Variants in PRRG2 observed in about 807,000 individuals in gnomAD.
PRRG2 encodes the protein transmembrane gamma-carboxyglutamic acid protein 2.
PRRG2 carries 23 observed loss-of-function variants against 27.1 expected under a neutral mutation model. That is an observed-to-expected ratio of 0.85 (90% confidence interval 0.61 to 1.20). PRRG2 has a LOEUF of 1.20. PRRG2 is among the 50% of genes most tolerant of loss of function. PRRG2 has a pLI of 0.00. For missense variants in PRRG2, 276 were observed against 254.8 expected, an observed-to-expected ratio of 1.08 and a Z score of -0.57; for synonymous variants, 104 against 103.4, an observed-to-expected ratio of 1.01 and a Z score of -0.03.
intron 1 of PRRG2, among the ~76,000 whole-genome samples, chr19:49,582,660 G>A (rs1467860629): frequency 2.0e-5 from 3 of 151,996 alleles, no homozygotes; most frequent in African/African-American, 7.3e-5. Context: ...GAGGTCAGGA[G>A]ATCGAGACCA....
rs1413358866 is a variant in PRRG2, at chr19:49,589,972, C to A, written c.510C>A (p.Pro170=). 6.5e-7 allele frequency: 1 copy of A among 1,547,884 alleles called. No individual in the cohort carries two copies. The highest frequency in any genetic ancestry group is 8.7e-7 in the Non-Finnish European group (1 of 1,150,816). The change falls in exon 6 of 7, where the codon CCC becomes CCA. Residue 170 remains proline (P), a synonymous_variant. Transcript: ENST00000246794. ...GPPTPLPPPP[P]PPPGLPTYEQ... ...CGACGCCCCTGCCTCCACCCCCACC[C>A]CCACCCCCAGGCCTCCCCACCTATG...
chr19:49,587,686 T>C (rs1156299234), intron 4 of PRRG2, among the ~76,000 whole-genome samples: 3 of 151,866 alleles, frequency 2.0e-5, no homozygotes, highest in Non-Finnish European at 2.9e-5. Context: ...GGTTTCTCCA[T>C]GTTGGCCAGG....
At chr19:49,587,262 C>T (rs1275327426) in intron 4 of PRRG2, among the ~76,000 whole-genome samples, 1 of 150,746 alleles carries the variant, frequency 6.6e-6, no homozygotes, top group Admixed American at 6.6e-5. Flanking sequence ...CAGCTGTGAG[C>T]CACTGTGCCT....
chr19:49,583,121 C>A, intron 1 of PRRG2, 86 bp from the exon 2 acceptor site: 2 of 1,049,970 alleles, frequency 1.9e-6, no homozygotes, highest in South Asian at 1.4e-5. Context: ...TATTGCCATT[C>A]GTGGACCACA....
chr19:49,583,879 T>A, intron 3 of PRRG2, 34 bp from the exon 4 acceptor site: 1 of 1,612,040 alleles, frequency 6.2e-7, no homozygotes. Context: ...AATTCCTGCT[T>A]TTTCCCCTTC....
At chr19:49,584,233 C>A (rs906999947) in intron 4 of PRRG2, among the ~76,000 whole-genome samples, 2 of 149,914 alleles carry the variant, frequency 1.3e-5, no homozygotes, top group Non-Finnish European at 3.0e-5. Flanking sequence ...TGCAATGGTG[C>A]GATCTCGGCT....
intron 1 of PRRG2, among the ~76,000 whole-genome samples, chr19:49,582,650 G>A (rs1404405952): frequency 3.3e-5 from 5 of 151,762 alleles, no homozygotes; most frequent in East Asian, 1.9e-4. Flanking sequence ...GGCAGATCAC[G>A]AGGTCAGGAG....
intron 5 of PRRG2, among the ~76,000 whole-genome samples, chr19:49,589,426 C>CTTTT (rs398059803): frequency 7.6e-6 from 1 of 132,358 alleles, no homozygotes; most frequent in East Asian, 2.1e-4. Flanking sequence ...ACGCCTGGCC[C>CTTTT]TTTTTTTTTT....
intron 6 of PRRG2, 56 bp from the exon 7 acceptor site, chr19:49,590,315 A>G (rs7249925): frequency 0.27 from 443,438 of 1,612,556 alleles, 74,361 homozygotes; most frequent in African/African-American, 0.78. Flanking sequence ...TCCTGGTTGA[A>G]GGGGGGAGAA....
intron 4 of PRRG2, among the ~76,000 whole-genome samples, chr19:49,587,845 CT>C (rs1337624318): frequency 4.6e-5 from 7 of 152,122 alleles, no homozygotes; most frequent in African/African-American, 1.7e-4. Flanking sequence ...TCTCAAACTC[CT>C]GACCTCAAGT....
upstream of PRRG2, chr19:49,580,732 T>C (rs1307520033): frequency 6.6e-6 from 1 of 152,116 alleles, no homozygotes; most frequent in Non-Finnish European, 1.5e-5. Context: ...AAGTTCCGGA[T>C]ATTGAAACTG....
At chr19:49,590,222 G>C in intron 6 of PRRG2, 149 bp from the exon 7 acceptor site, 1 of 1,434,812 alleles carries the variant, frequency 7.0e-7, no homozygotes, top group Non-Finnish European at 9.7e-7. Flanking sequence ...GCCCAGCGTT[G>C]TATGTGTGGA....
At chr19:49,584,748 G>A (rs2080656510) in intron 4 of PRRG2, among the ~76,000 whole-genome samples, 2 of 152,230 alleles carry the variant, frequency 1.3e-5, no homozygotes, top group Admixed American at 1.3e-4. Context: ...ATAGGTGCCA[G>A]GCCCCCCACC....
chr19:49,590,176 CG>C (rs1210286707), intron 6 of PRRG2, 124 bp downstream of exon 6: 3 of 1,304,194 alleles, frequency 2.3e-6, no homozygotes, highest in African/African-American at 3.0e-5. Flanking sequence ...GCTTGGAGTG[CG>C]GGGGCGGGGC....
At position 49,583,675 on chromosome 19, in the gene PRRG2, C is replaced by G; in HGVS notation, c.219C>G (p.Ser73=). 1 of 1,614,152 alleles carries G rather than the reference C, an allele frequency of 6.2e-7. No homozygotes were observed. Among genetic ancestry groups the G allele is most frequent in the Non-Finnish European group, 8.5e-7 (1 of 1,180,016 alleles). ...GGGAGTGTCTGGAAGAGAGGTGTTC[C>G]TGGGAAGAGGCCAGGGAGTATTTTG... ...LERECLEERC[S]WEEAREYFED... The change falls in exon 3 of 7, where the codon TCC becomes TCG. Residue 73 remains serine, a synonymous_variant. Coordinates refer to ENST00000246794, the MANE Select transcript of PRRG2 (RefSeq NM_000951.3).
At chr19:49,584,956 C>T (rs962480923) in intron 4 of PRRG2, among the ~76,000 whole-genome samples, 6 of 152,298 alleles carry the variant, frequency 3.9e-5, no homozygotes, top group East Asian at 1.9e-4. Flanking sequence ...TCTAGCAACA[C>T]GACCAAGGGA....
chr19:49,590,321 G>A (rs541776944), intron 6 of PRRG2, 50 bp from the exon 7 acceptor site: 24 of 1,613,694 alleles, frequency 1.5e-5, no homozygotes, highest in Non-Finnish European at 1.7e-5. Context: ...TTGAAGGGGG[G>A]AGAAAAACAG....
chr19:49,586,387 ATTTT>A (rs34299965), intron 4 of PRRG2, among the ~76,000 whole-genome samples: 45,867 of 137,676 alleles, frequency 0.33, 8,297 homozygotes, highest in African/African-American at 0.51. Flanking sequence ...AAGCCCGGCC[ATTTT>A]TTTTTTTTTT....
chr19:49,590,053 G>T lies in PRRG2; in HGVS notation c.590+1G>T. On this transcript the variant is annotated splice_donor_variant, in intron 6 of 6. Transcript: ENST00000246794. LOFTEE classifies it high-confidence loss of function. ...ACGCACCTCCACCCCCCTACACCAG[G>T]TATGGGGCGTGGCTTCTGCCCGGGG... 1 of 1,502,846 alleles carries T rather than the reference G, an allele frequency of 6.7e-7. No individual in the cohort carries two copies. Among genetic ancestry groups the T allele is most frequent in the Non-Finnish European group, 8.8e-7 (1 of 1,131,232 alleles). 93.1% of individuals were successfully genotyped at this position (1,502,846 alleles called of 1,614,324 possible). A position where few individuals can be genotyped will look rare whatever the true frequency, so the allele number is the denominator to read the frequency against.
Sources: gnomAD v4.1 joint callset for allele counts (sites outside exome capture counted in the v4.1 genomes callset) on GRCh38, gnomAD v4.1.1 for gene constraint, MANE v1.5 for transcripts, NCBI Gene and HGNC (gene_info 2026-07-23, HGNC 2026-07-21) for gene names.